Variants in FOCAD observed in about 807,000 individuals in gnomAD.
The protein encoded by FOCAD is focadhesin, also known as KIAA1797.
A neutral mutation model predicts 225.6 loss-of-function variants in FOCAD; 198 were observed. The ratio of observed to expected loss-of-function variants is 0.88; its 90% CI spans 0.78 to 0.99. FOCAD has a LOEUF of 0.99. FOCAD is among the 50% of genes least tolerant of loss of function. The probability of loss-of-function intolerance (pLI) is 0.00; values close to 1 mark genes in which losing one functional copy is unlikely to be tolerated. For synonymous variants in FOCAD, 897 were observed against 755.0 expected, an observed-to-expected ratio of 1.19 and a Z score of -3.08; for missense variants, 2,713 against 2,123.6, an observed-to-expected ratio of 1.28 and a Z score of -5.46.
intron 7 of FOCAD, 151 bp from the exon 8 acceptor site, chr9:20,769,881 T>A (rs1818012913): frequency 1.5e-6 from 1 of 654,342 alleles, no homozygotes; most frequent in South Asian, 2.0e-5. Flanking sequence ...GTATAGTTAA[T>A]CCTTCATGGA....
At chr9:20,893,617 A>G (rs1393197752) in intron 21 of FOCAD, among the ~76,000 whole-genome samples, 1 of 152,134 alleles carries the variant, frequency 6.6e-6, no homozygotes, top group East Asian at 1.9e-4. Flanking sequence ...CTACAACTAC[A>G]TGAGAGTGAG....
At chr9:20,794,408 A>G (rs963629062) in intron 11 of FOCAD, among the ~76,000 whole-genome samples, 10 of 152,234 alleles carry the variant, frequency 6.6e-5, no homozygotes, top group African/African-American at 2.2e-4. Context: ...ATTTCATAAT[A>G]TAGAGCAAAA....
chr9:20,871,413 A>G (rs1470526376), intron 18 of FOCAD, among the ~76,000 whole-genome samples: 1 of 151,930 alleles, frequency 6.6e-6, no homozygotes, highest in Non-Finnish European at 1.5e-5. Context: ...AGCTAATATA[A>G]TATTATTGCC....
chr9:20,699,781 T>TATATATATAC (rs1554657406), intron 1 of FOCAD, among the ~76,000 whole-genome samples: 38 of 71,448 alleles, frequency 5.3e-4, no homozygotes, highest in Middle Eastern at 8.2e-3. Flanking sequence ...AAAATATATA[T>TATATATATAC]ATATATATAT....
At chr9:20,761,890 T>G (rs79400856) in intron 6 of FOCAD, among the ~76,000 whole-genome samples, 2 of 152,198 alleles carry the variant, frequency 1.3e-5, no homozygotes, top group African/African-American at 4.8e-5. Context: ...TTAATATTCA[T>G]TTTTTCCTAA....
chr9:20,987,800 TA>T (rs1841320353), intron 40 of FOCAD, among the ~76,000 whole-genome samples: 1 of 152,222 alleles, frequency 6.6e-6, no homozygotes, highest in African/African-American at 2.4e-5. Flanking sequence ...TAGTAGTCTT[TA>T]CTGTGCTGGG....
chr9:20,953,100 A>G (rs753165512), intron 35 of FOCAD, 35 bp downstream of exon 35: 26 of 1,530,898 alleles, frequency 1.7e-5, no homozygotes, highest in Middle Eastern at 1.7e-4. Context: ...TTATCATTCT[A>G]TCTCCATGTT....
At chr9:20,830,359 T>G (rs1025164508) in intron 15 of FOCAD, among the ~76,000 whole-genome samples, 5 of 152,140 alleles carry the variant, frequency 3.3e-5, no homozygotes, top group Non-Finnish European at 7.4e-5. Context: ...CACTTTATAT[T>G]AAAGGTGTGT....
chr9:20,735,808 G>A (rs1414727180), intron 4 of FOCAD, among the ~76,000 whole-genome samples: 1 of 149,472 alleles, frequency 6.7e-6, no homozygotes, highest in East Asian at 2.0e-4. Flanking sequence ...ACAGGCACGA[G>A]CCACTATGCC....
At chr9:20,976,908 A>G (rs1187514301) in intron 36 of FOCAD, among the ~76,000 whole-genome samples, 3 of 152,152 alleles carry the variant, frequency 2.0e-5, no homozygotes, top group African/African-American at 4.8e-5. Flanking sequence ...TTAATTTTCT[A>G]TTGCTGCTGT....
chr9:20,770,869 C>T (rs1433032527), intron 8 of FOCAD, among the ~76,000 whole-genome samples: 1 of 152,152 alleles, frequency 6.6e-6, no homozygotes, highest in Middle Eastern at 3.4e-3. Context: ...ACCACTGTGA[C>T]TTTTTTTTCA....
intron 5 of FOCAD, among the ~76,000 whole-genome samples, chr9:20,755,557 G>C (rs1227549614): frequency 1.3e-5 from 2 of 152,148 alleles, no homozygotes; most frequent in Non-Finnish European, 2.9e-5. Flanking sequence ...GTGAAGGATG[G>C]AAGGGAGATG....
At chr9:20,735,612 C>G (rs1827090000) in intron 4 of FOCAD, among the ~76,000 whole-genome samples, 1 of 151,748 alleles carries the variant, frequency 6.6e-6, no homozygotes, top group South Asian at 2.1e-4. Flanking sequence ...AACTCCTGGG[C>G]TCAAGTGATC....
chr9:20,818,123 T>C (rs1380634948), intron 11 of FOCAD, among the ~76,000 whole-genome samples: 2 of 152,198 alleles, frequency 1.3e-5, no homozygotes, highest in Non-Finnish European at 2.9e-5. Flanking sequence ...TTGCATTCCA[T>C]CATGTCTCAT....
At chr9:20,896,999 T>G (rs538105621) in intron 21 of FOCAD, 21 of 151,990 alleles carry the variant, frequency 1.4e-4, no homozygotes, top group South Asian at 6.2e-4. Context: ...AGTGTTGAAG[T>G]CTCTGGCTAT....
intron 11 of FOCAD, among the ~76,000 whole-genome samples, chr9:20,799,456 C>G (rs1821534009): frequency 6.6e-6 from 1 of 152,106 alleles, no homozygotes; most frequent in Non-Finnish European, 1.5e-5. Context: ...GTGTTAAAGT[C>G]TCCCATTATT....
rs1825248244 is a variant in FOCAD, at chr9:20,715,396, C to G, written c.43C>G (p.Leu15Val). 5.9e-6 allele frequency: 9 copies of G among 1,516,638 alleles called. No individual in the cohort carries two copies. Among genetic ancestry groups the G allele is most frequent in the Non-Finnish European group, 8.0e-6 (9 of 1,124,912 alleles). The allele number at this position is 1,516,638 out of a possible 1,614,324, so 93.9% of individuals were successfully genotyped here. The change falls in exon 2 of 44, where the codon CTT becomes GTT. Residue 15 changes from leucine (L) to valine (V), a missense_variant. Coordinates refer to ENST00000338382, the MANE Select transcript of FOCAD (RefSeq NM_001375567.1). ...IRKRFEFPNS[L>V]IQSQAVGHLI... ...GAAAAGGTTTGAATTTCCAAATTCT[C>G]TTATCCAATCACAGGTAATTTTGTT...
chr9:20,811,332 A>G (rs941621471), intron 11 of FOCAD, among the ~76,000 whole-genome samples: 1 of 152,038 alleles, frequency 6.6e-6, no homozygotes, highest in African/African-American at 2.4e-5. Context: ...TGTGGTGATA[A>G]TCATGATTTT....
chr9:20,881,091 T>A (rs1164452479), intron 19 of FOCAD, among the ~76,000 whole-genome samples: 1 of 152,244 alleles, frequency 6.6e-6, no homozygotes, highest in Admixed American at 6.5e-5. Flanking sequence ...ATATCTCATT[T>A]TAAAATAATT....
Sources: gnomAD v4.1 joint callset for allele counts (sites outside exome capture counted in the v4.1 genomes callset) on GRCh38, gnomAD v4.1.1 for gene constraint, MANE v1.5 for transcripts, NCBI Gene and HGNC (gene_info 2026-07-23, HGNC 2026-07-21) for gene names.